The following DNAH14 variants were observed in gnomAD, a reference collection of about 807,000 sequenced individuals.
DNAH14 encodes the protein dynein axonemal heavy chain 14.
In DNAH14, 478 loss-of-function variants were observed where a neutral mutation model predicts 520.9. That is an observed-to-expected ratio of 0.92 (90% CI 0.85 to 0.99). The LOEUF (loss-of-function observed/expected upper bound fraction) is 0.99, where lower values mean the gene tolerates loss of function less well. Among genes scored for constraint, DNAH14 ranks in the 50% least tolerant of loss-of-function variants. DNAH14 has a pLI of 0.00. For missense variants in DNAH14, 4,831 were observed against 5,234.5 expected, an observed-to-expected ratio of 0.92 and a Z score of 2.38; for synonymous variants, 1,581 against 1,757.2, an observed-to-expected ratio of 0.90 and a Z score of 2.51.
intron 15 of DNAH14, 91 bp downstream of exon 15, chr1:225,044,074 G>A: frequency 1.4e-6 from 1 of 703,808 alleles, no homozygotes; most frequent in Non-Finnish European, 2.3e-6. Flanking sequence ...CCAGGGATGT[G>A]GCAGATGTTA....
Position 225,153,842 on chromosome 1 carries a change from A to G in DNAH14, c.5273+16A>G. 1 of 1,539,530 alleles carries G rather than the reference A, an allele frequency of 6.5e-7. No individual in the cohort carries two copies. The highest frequency in any genetic ancestry group is 1.2e-5 in the South Asian group (1 of 83,326). The stretch of plus-strand genomic sequence containing the variant: ...AGTTTAAATGGTCAGTTGAATTTTG[A>G]ATTGTTAGGTCAAAGGGAGTTATAT... On this transcript the variant is annotated intron_variant, in intron 34 of 85. Transcript: ENST00000682510.
intron 12 of DNAH14, 138 bp from the exon 13 acceptor site, chr1:225,042,697 C>G: frequency 1.2e-6 from 1 of 868,594 alleles, no homozygotes; most frequent in Non-Finnish European, 1.7e-6. Context: ...ATGCAAGTGT[C>G]AGGTATTTGG....
intron 17 of DNAH14, among the ~76,000 whole-genome samples, chr1:225,068,576 TGA>T (rs1322983966): frequency 3.9e-5 from 6 of 152,222 alleles, no homozygotes; most frequent in African/African-American, 7.2e-5. Context: ...TTCCTATCCA[TGA>T]GCATGGAATG....
Position 225,340,615 on chromosome 1 carries a change from C to A in DNAH14, c.10592C>A (p.Ser3531Tyr). ...HEVPHLEDQR[S>Y]KLLESISLDA... ...GTTCCTCATTTAGAAGATCAACGTTCCAAGTTACTGGAGAGTATTTCCCTT... is the reference window on the plus strand; with the variant it reads ...GTTCCTCATTTAGAAGATCAACGTTACAAGTTACTGGAGAGTATTTCCCTT... Residue 3531 changes from serine to tyrosine, a missense_variant, in exon 69 of 86, where the codon TCC becomes TAC. Coordinates refer to ENST00000682510, the MANE Select transcript of DNAH14 (RefSeq NM_001367479.1). 13 of 1,551,394 alleles carry A rather than the reference C, an allele frequency of 8.4e-6. No individual in the cohort carries two copies. The highest frequency in any genetic ancestry group is 1.1e-5 in the Non-Finnish European group (13 of 1,146,872).
chr1:225,154,408 G>C (rs2080827387), intron 34 of DNAH14, among the ~76,000 whole-genome samples: 1 of 151,958 alleles, frequency 6.6e-6, no homozygotes, highest in African/African-American at 2.4e-5. Flanking sequence ...AGTCTAGCTA[G>C]AAAAATATTA....
chr1:225,040,108 T>G (rs1234170229), intron 12 of DNAH14, among the ~76,000 whole-genome samples: 2 of 151,484 alleles, frequency 1.3e-5, no homozygotes, highest in East Asian at 4.0e-4. Flanking sequence ...CAGCTAATAT[T>G]TTTTGTATTT....
chr1:225,028,200 C>T (rs937084641), intron 11 of DNAH14, among the ~76,000 whole-genome samples: 5 of 151,982 alleles, frequency 3.3e-5, no homozygotes, highest in Middle Eastern at 3.2e-3. Context: ...TATGAAGGAT[C>T]GGTGTTAATT....
intron 43 of DNAH14, among the ~76,000 whole-genome samples, chr1:225,251,685 A>G (rs1048670140): frequency 2.6e-5 from 4 of 152,302 alleles, no homozygotes; most frequent in African/African-American, 7.2e-5. Context: ...CGTATCAAAC[A>G]AAGATATATC....
chr1:225,331,351 A>G, intron 64 of DNAH14, 86 bp from the exon 65 acceptor site: 1 of 1,325,568 alleles, frequency 7.5e-7, no homozygotes, highest in Non-Finnish European at 1.0e-6. Flanking sequence ...AAATGGTAAC[A>G]CTATATTTAT....
chr1:225,382,123 C>A lies in DNAH14; in HGVS notation c.13077+544C>A, dbSNP rs143023972. On this transcript the variant is annotated intron_variant, in intron 81 of 85. Transcript: ENST00000682510. ...TTTTCCAGAACCCTGAATCCTATAC[C>A]AGATTGAAAACCTGTGTAGACATGT... is the stretch of plus-strand genomic sequence containing the variant. 2.6e-3 allele frequency among the ~76,000 whole-genome samples: 394 copies of A among 152,268 alleles called. 1 individual carries two copies. The highest frequency in any genetic ancestry group is 9.2e-3 in the African/African-American group (382 of 41,540).
intron 8 of DNAH14, among the ~76,000 whole-genome samples, chr1:224,983,724 A>G (rs1247764862): frequency 6.6e-6 from 1 of 152,194 alleles, no homozygotes; most frequent in Non-Finnish European, 1.5e-5. Flanking sequence ...ATTAATGTAC[A>G]CAAATCAGTA....
At chr1:225,241,399 T>G (rs987752915) in intron 43 of DNAH14, among the ~76,000 whole-genome samples, 1 of 152,172 alleles carries the variant, frequency 6.6e-6, no homozygotes, top group Non-Finnish European at 1.5e-5. Flanking sequence ...AGAAGAACTT[T>G]GTTAAATAAA....
In DNAH14 at chr1:225,207,037, C is replaced by A; in HGVS notation, c.6256C>A (p.Gln2086Lys). ...WLLKTSKIIS[Q>K]SGVDCLEFMI... Reference sequence around the variant, plus strand: ...TCTGAAAACTTCTAAAATTATAAGTCAATCAGGAGTGGATTGTCTTGAATT... The same window carrying A: ...TCTGAAAACTTCTAAAATTATAAGTAAATCAGGAGTGGATTGTCTTGAATT... Residue 2086 changes from glutamine (Q) to lysine (K), a missense_variant, in exon 41 of 86, where the codon CAA (glutamine) becomes AAA (lysine). Transcript: ENST00000682510. 1 of 1,548,316 alleles carries A rather than the reference C, an allele frequency of 6.5e-7. No individual in the cohort carries two copies. Among genetic ancestry groups the A allele is most frequent in the South Asian group, 1.2e-5 (1 of 83,242 alleles).
intron 41 of DNAH14, among the ~76,000 whole-genome samples, chr1:225,221,510 T>G (rs1355217733): frequency 6.6e-6 from 1 of 152,154 alleles, no homozygotes; most frequent in Non-Finnish European, 1.5e-5. Context: ...CAGACACTTT[T>G]GAAAAGAAGA....
chr1:225,353,789 TA>T lies in DNAH14; in HGVS notation c.11534-11del. 8 of 1,365,520 alleles carry T rather than the reference TA, an allele frequency of 5.9e-6. No homozygotes were observed. The highest frequency in any genetic ancestry group is 8.1e-6 in the Non-Finnish European group (8 of 992,908). The allele number at this position is 1,365,520 out of a possible 1,614,324, so 84.6% of individuals were successfully genotyped here. Reference sequence around the variant, plus strand: ...GACTGTTAATGCCAGTTTCTTTCTCTAAATTATATCTAGCTGAACTTTTGAA... The same window carrying T: ...GACTGTTAATGCCAGTTTCTTTCTCTAATTATATCTAGCTGAACTTTTGAA... On this transcript the variant is annotated splice_polypyrimidine_tract_variant and intron_variant, in intron 72 of 85. Coordinates refer to ENST00000682510, the MANE Select transcript of DNAH14 (RefSeq NM_001367479.1).
intron 8 of DNAH14, among the ~76,000 whole-genome samples, chr1:225,001,552 A>T (rs1207294047): frequency 6.6e-6 from 1 of 152,114 alleles, no homozygotes; most frequent in East Asian, 1.9e-4. Flanking sequence ...TAGATCATGC[A>T]TTACAGCTAT....
intron 1 of DNAH14, among the ~76,000 whole-genome samples, chr1:224,950,846 A>G (rs1168749029): frequency 6.6e-6 from 1 of 151,500 alleles, no homozygotes; most frequent in African/African-American, 2.4e-5. Flanking sequence ...AAAGAACACT[A>G]TTTTGCTCAT....
At chr1:225,265,888 G>A (rs1471603341) in intron 48 of DNAH14, among the ~76,000 whole-genome samples, 6 of 151,832 alleles carry the variant, frequency 4.0e-5, no homozygotes, top group Admixed American at 3.9e-4. Context: ...CAGATAGTTT[G>A]TGATACAAAA....
At chr1:225,270,059 C>T (rs1213797642) in intron 49 of DNAH14, among the ~76,000 whole-genome samples, 1 of 152,096 alleles carries the variant, frequency 6.6e-6, no homozygotes, top group East Asian at 1.9e-4. Flanking sequence ...ATAGCAAAGA[C>T]TTGGAACCAA....
Sources: allele counts gnomAD v4.1 joint callset (sites outside exome capture counted in the v4.1 genomes callset), GRCh38; gene constraint gnomAD v4.1.1; transcripts MANE v1.5; gene names NCBI Gene and HGNC (gene_info 2026-07-23, HGNC 2026-07-21).